The following ANXA4 variants were observed in gnomAD, a reference collection of about 807,000 sequenced individuals.
ANXA4 encodes annexin A4, also known as 35-beta calcimedin.
A neutral mutation model predicts 49.8 loss-of-function variants in ANXA4; 39 were observed. The observed-to-expected ratio is 0.78, with a 90% CI of 0.61 to 1.02. The LOEUF (loss-of-function observed/expected upper bound fraction) is 1.02, where lower values mean the gene tolerates loss of function less well. Among genes scored for constraint, ANXA4 ranks in the 50% least tolerant of loss-of-function variants. The pLI, the probability that ANXA4 is intolerant of heterozygous loss-of-function variation, is 0.00. For synonymous variants in ANXA4, 134 were observed against 152.5 expected (o/e 0.88, Z 0.89); for missense variants, 360 against 410.1 (o/e 0.88, Z 1.05).
chr2:69,810,510 T>G, intron 6 of ANXA4, 84 bp from the exon 7 acceptor site: 1 of 1,162,608 alleles, frequency 8.6e-7, no homozygotes, highest in Non-Finnish European at 1.3e-6. Flanking sequence ...AGGCTGGTCT[T>G]GAGGGGACAG....
chr2:69,651,656 C>T (rs1257435669), intron 1 of ANXA4, among the ~76,000 whole-genome samples: 2 of 151,956 alleles, frequency 1.3e-5, no homozygotes, highest in African/African-American at 4.8e-5. Context: ...GCTCCCACCA[C>T]CACGCCCAGC....
chr2:69,812,095 C>G (rs1220082960), intron 7 of ANXA4, among the ~76,000 whole-genome samples: 3 of 150,808 alleles, frequency 2.0e-5, no homozygotes, highest in Non-Finnish European at 4.4e-5. Flanking sequence ...ATTCTCTCGA[C>G]TCTCCTCTGT....
intron 12 of ANXA4, among the ~76,000 whole-genome samples, chr2:69,824,524 T>C (rs1461769462): frequency 2.1e-5 from 3 of 142,938 alleles, no homozygotes; most frequent in Non-Finnish European, 4.6e-5. Context: ...AAAAAAAAGG[T>C]TTAAGAAAAT....
chr2:69,675,369 A>T (rs768375322), intron 2 of ANXA4, among the ~76,000 whole-genome samples: 8 of 152,196 alleles, frequency 5.3e-5, no homozygotes, highest in Non-Finnish European at 1.0e-4. Flanking sequence ...GAGTCTCATG[A>T]CCTTATAGTC....
At chr2:69,731,525 A>G (rs1670094840) in intron 3 of ANXA4, among the ~76,000 whole-genome samples, 1 of 152,206 alleles carries the variant, frequency 6.6e-6, no homozygotes, top group Non-Finnish European at 1.5e-5. Flanking sequence ...TATTTGTGAA[A>G]ACAAATGAGA....
At chr2:69,681,248 TA>T (rs1418435641) in intron 2 of ANXA4, among the ~76,000 whole-genome samples, 1 of 152,192 alleles carries the variant, frequency 6.6e-6, no homozygotes, top group Admixed American at 6.5e-5. Flanking sequence ...ATGTGTCCAA[TA>T]ATTTGTTCAT....
At chr2:69,814,042 G>GC (rs2103859593) in intron 8 of ANXA4, among the ~76,000 whole-genome samples, 1 of 152,188 alleles carries the variant, frequency 6.6e-6, no homozygotes, top group Admixed American at 6.5e-5. Context: ...ACAGGCATGA[G>GC]CCACCGCGCC....
intron 1 of ANXA4, among the ~76,000 whole-genome samples, chr2:69,645,824 C>T (rs1210092455): frequency 1.3e-5 from 2 of 152,144 alleles, no homozygotes; most frequent in African/African-American, 4.8e-5. Context: ...TCATGCTTTA[C>T]ATATATTAAG....
At chr2:69,713,675 A>C (rs1282907123) in intron 2 of ANXA4, 1 of 152,268 alleles carries the variant, frequency 6.6e-6, no homozygotes, top group African/African-American at 2.4e-5. Flanking sequence ...CCCGCTCTTC[A>C]CAGACTCCAG....
chr2:69,726,921 C>A (rs1051289974), intron 3 of ANXA4, among the ~76,000 whole-genome samples: 1 of 152,128 alleles, frequency 6.6e-6, no homozygotes, highest in Admixed American at 6.6e-5. Context: ...CTTGTTCTGT[C>A]GCCCAGGCTG....
At chr2:69,741,654 GA>G (rs1352702688), upstream of ANXA4, among the ~76,000 whole-genome samples, 1 of 152,230 alleles carries the variant, frequency 6.6e-6, no homozygotes, top group Non-Finnish European at 1.5e-5. Flanking sequence ...GTTGGGAGAC[GA>G]ACGGTTTCCC....
At chr2:69,647,559 C>T (rs1246220492) in intron 1 of ANXA4, among the ~76,000 whole-genome samples, 11 of 151,908 alleles carry the variant, frequency 7.2e-5, no homozygotes, top group African/African-American at 2.4e-4. Context: ...CAGGTGTGTG[C>T]CACCATGCCT....
intron 2 of ANXA4, among the ~76,000 whole-genome samples, chr2:69,786,732 G>C (rs1553443767): frequency 6.6e-6 from 1 of 151,860 alleles, no homozygotes; most frequent in South Asian, 2.1e-4. Flanking sequence ...TTTTGTCTTT[G>C]TTTTTTTGAG....
intron 1 of ANXA4, among the ~76,000 whole-genome samples, chr2:69,753,032 A>G (rs776390441): frequency 8.6e-5 from 13 of 152,046 alleles, no homozygotes; most frequent in Non-Finnish European, 1.8e-4. Flanking sequence ...AGCTCTTTTA[A>G]TTTCTTAGGT....
chr2:69,731,521 T>C (rs1670094769), intron 3 of ANXA4, among the ~76,000 whole-genome samples: 1 of 152,214 alleles, frequency 6.6e-6, no homozygotes, highest in Non-Finnish European at 1.5e-5. Flanking sequence ...AGAGTATTTG[T>C]GAAAACAAAT....
Position 69,676,140 on chromosome 2 carries a change from T to G in ANXA4, n.766+22858T>G, listed in dbSNP as rs532734124. Among the ~76,000 whole-genome samples, 21 of 152,192 alleles carry G rather than the reference T, an allele frequency of 1.4e-4. No individual in the cohort carries two copies. In the South Asian group the frequency reaches 4.4e-3, roughly 32 times the overall value. ...AGATCATTAGAAAATAATGTTTGCT[T>G]CTTCAGTCATTTTGAAATGTGAAAA... On this transcript the variant is annotated intron_variant and non_coding_transcript_variant, in intron 2 of 3. Transcript: ENST00000418066.
At chr2:69,701,993 T>A (rs1434951174) in intron 2 of ANXA4, among the ~76,000 whole-genome samples, 2 of 152,146 alleles carry the variant, frequency 1.3e-5, no homozygotes, top group African/African-American at 4.8e-5. Flanking sequence ...ACAGATCTTC[T>A]TGCTGTTTAC....
intron 2 of ANXA4, among the ~76,000 whole-genome samples, chr2:69,655,855 A>T (rs1303845443): frequency 6.6e-6 from 1 of 152,200 alleles, no homozygotes; most frequent in African/African-American, 2.4e-5. Flanking sequence ...GTCATAAAAA[A>T]GATGAGTTCA....
intron 10 of ANXA4, 127 bp downstream of exon 10, chr2:69,818,821 C>A: frequency 3.3e-6 from 2 of 607,366 alleles, no homozygotes; most frequent in Non-Finnish European, 5.8e-6. Flanking sequence ...ACTCATGTTA[C>A]ATTCCAGATT....
Sources: gnomAD v4.1 joint callset for allele counts (sites outside exome capture counted in the v4.1 genomes callset) on GRCh38, gnomAD v4.1.1 for gene constraint, MANE v1.5 for transcripts, NCBI Gene and HGNC (gene_info 2026-07-23, HGNC 2026-07-21) for gene names.